RBFOX2: variants seen among roughly 807,000 people sequenced by gnomAD.
RBFOX2 encodes RNA binding protein fox-1 homolog 2.
In RBFOX2, 10 loss-of-function variants were observed where a neutral mutation model predicts 49.1. The observed-to-expected ratio is 0.20, with a 90% CI of 0.13 to 0.35. RBFOX2 has a LOEUF of 0.35. RBFOX2 is among the 10% of genes least tolerant of loss of function. The pLI is 1.00. For synonymous variants in RBFOX2, 183 were observed against 187.4 expected (o/e 0.98, Z 0.19); for missense variants, 323 against 486.9 (o/e 0.66, Z 3.17).
intron 1 of RBFOX2, among the ~76,000 whole-genome samples, chr22:35,935,537 A>C (rs2052961118): frequency 6.6e-6 from 1 of 152,226 alleles, no homozygotes; most frequent in Non-Finnish European, 1.5e-5. Context: ...ATGACAAAAG[A>C]ATCACTAAAA....
intron 1 of RBFOX2, chr22:35,992,495 C>T (rs1209863192): frequency 6.6e-6 from 1 of 152,082 alleles, no homozygotes; most frequent in Admixed American, 6.6e-5. Context: ...TTTTAAATTC[C>T]TTAGGAAATA....
At chr22:36,007,490 T>A (rs1172380313) in intron 1 of RBFOX2, among the ~76,000 whole-genome samples, 2 of 152,214 alleles carry the variant, frequency 1.3e-5, no homozygotes, top group Non-Finnish European at 2.9e-5. Context: ...ACCCTATGTT[T>A]ACACAGTACC....
intron 2 of RBFOX2, among the ~76,000 whole-genome samples, chr22:35,804,240 T>C (rs1473878460): frequency 4.6e-5 from 7 of 150,698 alleles, no homozygotes; most frequent in Non-Finnish European, 1.0e-4. Context: ...ATTGCACCAC[T>C]GCACTCCAGC....
chr22:35,930,987 C>G (rs1244053492), intron 1 of RBFOX2, among the ~76,000 whole-genome samples: 1 of 152,118 alleles, frequency 6.6e-6, no homozygotes, highest in Admixed American at 6.5e-5. Context: ...ACAGTCTTTC[C>G]TGGAGTGAAA....
At chr22:35,927,034 T>C (rs2051730370) in intron 1 of RBFOX2, among the ~76,000 whole-genome samples, 1 of 152,222 alleles carries the variant, frequency 6.6e-6, no homozygotes. Flanking sequence ...AAGCTGAGTC[T>C]TGAGAGAAGT....
At chr22:35,969,676 G>A (rs2056763497) in intron 1 of RBFOX2, among the ~76,000 whole-genome samples, 1 of 152,124 alleles carries the variant, frequency 6.6e-6, no homozygotes, top group African/African-American at 2.4e-5. Flanking sequence ...ATATATCAGA[G>A]GCAGGAAGTT....
At chr22:35,779,541 G>A (rs963039633) in intron 3 of RBFOX2, among the ~76,000 whole-genome samples, 6 of 152,184 alleles carry the variant, frequency 3.9e-5, no homozygotes, top group Non-Finnish European at 7.4e-5. Context: ...AGATGGGAGG[G>A]CATTTATGCT....
rs869178693 is a variant in RBFOX2, at chr22:35,753,771, C to CTT, written c.887+6115_887+6116dup. Among the ~76,000 whole-genome samples, 80 of 54,518 alleles carry CTT rather than the reference C, an allele frequency of 1.5e-3. 10 individuals carry two copies. Among genetic ancestry groups the CTT allele is most frequent in the East Asian group, 7.5e-3 (12 of 1,610 alleles). The allele number at this position is 54,518 out of a possible 152,430, so 35.8% of individuals were successfully genotyped here. Reference sequence around the variant, plus strand: ...CTTAACAAGTTTGAAGTAGACAAGTCTTTTTTTTTTTTTTTTTTTTTTTTT... The same window carrying CTT: ...CTTAACAAGTTTGAAGTAGACAAGTCTTTTTTTTTTTTTTTTTTTTTTTTTTT... On this transcript the variant is annotated intron_variant, in intron 9 of 11. Transcript: ENST00000405409.
intron 1 of RBFOX2, among the ~76,000 whole-genome samples, chr22:35,881,359 T>A (rs898068272): frequency 5.3e-5 from 8 of 151,356 alleles, no homozygotes; most frequent in Admixed American, 6.6e-5. Flanking sequence ...GAAGATCACT[T>A]GAGATCATGC....
chr22:35,910,957 T>C (rs1264846147), intron 1 of RBFOX2, among the ~76,000 whole-genome samples: 1 of 152,212 alleles, frequency 6.6e-6, no homozygotes, highest in East Asian at 1.9e-4. Context: ...GGACTTATTT[T>C]AATTATTTCT....
chr22:35,779,843 T>C (rs1944734118), intron 3 of RBFOX2, among the ~76,000 whole-genome samples: 1 of 152,226 alleles, frequency 6.6e-6, no homozygotes, highest in Non-Finnish European at 1.5e-5. Flanking sequence ...TTGCACTTTA[T>C]GCCTTATGAG....
At chr22:36,007,780 T>G (rs6000055) in intron 1 of RBFOX2, among the ~76,000 whole-genome samples, 76 of 152,278 alleles carry the variant, frequency 5.0e-4, no homozygotes, top group African/African-American at 1.8e-3. Context: ...AACTATACAC[T>G]CTTCTGTACT....
At chr22:35,755,911 G>C (rs1312646065) in intron 9 of RBFOX2, among the ~76,000 whole-genome samples, 194 bp downstream of exon 11, 2 of 151,408 alleles carry the variant, frequency 1.3e-5, no homozygotes, top group Non-Finnish European at 2.9e-5. Flanking sequence ...GCACCCAGGG[G>C]CAAGCGCAGT....
chr22:35,818,517 C>T (rs960319492), intron 1 of RBFOX2, among the ~76,000 whole-genome samples: 1 of 152,188 alleles, frequency 6.6e-6, no homozygotes, highest in East Asian at 1.9e-4. Context: ...GGTGGCATTG[C>T]TCACACCTGT....
chr22:35,890,907 T>C (rs2047161678), intron 1 of RBFOX2, among the ~76,000 whole-genome samples: 1 of 152,050 alleles, frequency 6.6e-6, no homozygotes, highest in African/African-American at 2.4e-5. Flanking sequence ...GGTCTGCCAT[T>C]TACTGCTTGT....
intron 1 of RBFOX2, among the ~76,000 whole-genome samples, chr22:36,022,626 A>C (rs2059286497): frequency 6.6e-6 from 1 of 152,224 alleles, no homozygotes. Flanking sequence ...GTAGTGTTAC[A>C]GGCTTAATGT....
At position 35,836,801 on chromosome 22, in the gene RBFOX2, A is replaced by C. The variant is rs147623226; in HGVS notation, c.27+3391T>G. Among the ~76,000 whole-genome samples, 497 of 152,352 alleles carry C rather than the reference A, an allele frequency of 3.3e-3. 1 individual carries two copies. Among genetic ancestry groups the C allele is most frequent in the Admixed American group, 8.3e-3 (127 of 15,302 alleles). On this transcript the variant is annotated intron_variant, in intron 1 of 11. Transcript: ENST00000405409. ...ACAATAGATAGTATAACTGAATTTG[A>C]GTTTGGCTAAACATTTATTTTTTAC...
chr22:35,777,840 T>A, intron 4 of RBFOX2, 185 bp downstream of exon 5: 1 of 606,632 alleles, frequency 1.6e-6, no homozygotes. Flanking sequence ...CACCCCCATA[T>A]AAGTATCAGA....
At chr22:35,754,762 G>A (rs932240953) in intron 9 of RBFOX2, among the ~76,000 whole-genome samples, 6 of 152,198 alleles carry the variant, frequency 3.9e-5, no homozygotes, top group Non-Finnish European at 8.8e-5. Flanking sequence ...TTTAATTAAA[G>A]TACAAAGAGA....
Sources: gnomAD v4.1 joint callset for allele counts (sites outside exome capture counted in the v4.1 genomes callset) on GRCh38, gnomAD v4.1.1 for gene constraint, MANE v1.5 for transcripts, NCBI Gene and HGNC (gene_info 2026-07-23, HGNC 2026-07-21) for gene names.